GATAD2B: variants seen among roughly 807,000 people sequenced by gnomAD.
GATAD2B encodes GATA zinc finger domain containing 2B, also known as transcriptional repressor p66-beta.
A neutral mutation model predicts 64.3 loss-of-function variants in GATAD2B; 8 were observed. The ratio of observed to expected loss-of-function variants is 0.12; its 90% confidence interval spans 0.07 to 0.22. The LOEUF (loss-of-function observed/expected upper bound fraction) is 0.22. Among genes scored for constraint, GATAD2B ranks in the 10% least tolerant of loss-of-function variants. The pLI, the probability that GATAD2B is intolerant of heterozygous loss-of-function variation, is 1.00. For synonymous variants in GATAD2B, 281 were observed against 271.3 expected, an observed-to-expected ratio of 1.04 and a Z score of -0.35; for missense variants, 453 against 752.0, an observed-to-expected ratio of 0.60 and a Z score of 4.65.
chr1:153,812,748 G>C (rs1472731290), intron 8 of GATAD2B, among the ~76,000 whole-genome samples: 1 of 152,142 alleles, frequency 6.6e-6, no homozygotes, highest in Non-Finnish European at 1.5e-5. Context: ...GTGGGAAATA[G>C]GAAGAAAAGG....
At chr1:153,919,439 G>A (rs890006530) in intron 1 of GATAD2B, among the ~76,000 whole-genome samples, 1 of 152,174 alleles carries the variant, frequency 6.6e-6, no homozygotes, top group Admixed American at 6.5e-5. Context: ...TGGAACATGA[G>A]GAGGGGTCTG....
At chr1:153,856,809 G>T (rs1232652784) in intron 1 of GATAD2B, among the ~76,000 whole-genome samples, 2 of 152,200 alleles carry the variant, frequency 1.3e-5, no homozygotes, top group East Asian at 3.9e-4. Flanking sequence ...TGACCACTCA[G>T]AACTGGAAAG....
At chr1:153,900,987 G>A (rs1677750600) in intron 1 of GATAD2B, among the ~76,000 whole-genome samples, 1 of 152,094 alleles carries the variant, frequency 6.6e-6, no homozygotes, top group African/African-American at 2.4e-5. Flanking sequence ...GCCAAGGTGG[G>A]TGGATCACTT....
At chr1:153,858,548 T>C (rs908673555) in intron 1 of GATAD2B, among the ~76,000 whole-genome samples, 1 of 152,028 alleles carries the variant, frequency 6.6e-6, no homozygotes, top group Non-Finnish European at 1.5e-5. Flanking sequence ...AAGGCTGCAG[T>C]GAGCCGAGAT....
At chr1:153,879,762 CAAA>C (rs71093298) in intron 1 of GATAD2B, among the ~76,000 whole-genome samples, 9 of 80,944 alleles carry the variant, frequency 1.1e-4, no homozygotes, top group African/African-American at 2.5e-4. Flanking sequence ...ACACTGTCTA[CAAA>C]AAAAAAAAAA....
At chr1:153,825,677 C>T (rs1363152406) in intron 2 of GATAD2B, among the ~76,000 whole-genome samples, 2 of 152,108 alleles carry the variant, frequency 1.3e-5, no homozygotes, top group Non-Finnish European at 2.9e-5. Context: ...CCACCCGCCT[C>T]GGCCTCAAAG....
At chr1:153,912,375 T>C (rs1028757380) in intron 1 of GATAD2B, among the ~76,000 whole-genome samples, 4 of 150,352 alleles carry the variant, frequency 2.7e-5, no homozygotes, top group Non-Finnish European at 3.0e-5. Context: ...AAATTCTCTA[T>C]ACACTCAGGT....
chr1:153,920,241 G>A (rs1678389707), intron 1 of GATAD2B, among the ~76,000 whole-genome samples: 1 of 152,216 alleles, frequency 6.6e-6, no homozygotes, highest in Admixed American at 6.5e-5. Context: ...GATGAATTCA[G>A]AGGTCTCAAC....
intron 1 of GATAD2B, among the ~76,000 whole-genome samples, chr1:153,828,737 G>A (rs1217976717): frequency 1.3e-5 from 2 of 151,800 alleles, no homozygotes; most frequent in African/African-American, 4.8e-5. Flanking sequence ...CATGTCACCA[G>A]GGTTAGCAGA....
Position 153,842,644 on chromosome 1 carries a change from T to TTATGTATG in GATAD2B, c.-1-14304_-1-14297dup, listed in dbSNP as rs71093293. 1.6e-3 allele frequency among the ~76,000 whole-genome samples: 247 copies of TTATGTATG among 150,376 alleles called. 6 individuals carry two copies. The East Asian group carries it at 0.027, about 16-fold the overall frequency. The stretch of plus-strand genomic sequence containing the variant: ...GTTTTTGCTTTTGTTTTTTAAAATT[T>TTATGTATG]TATGTATGTATGTATGTATGTATGT... On this transcript the variant is annotated intron_variant, in intron 1 of 10. Transcript: ENST00000368655.
chr1:153,908,041 G>A (rs750475882), intron 1 of GATAD2B, among the ~76,000 whole-genome samples: 4 of 152,182 alleles, frequency 2.6e-5, no homozygotes, highest in Non-Finnish European at 5.9e-5. Flanking sequence ...CTGACCTCAT[G>A]ATCTGCCTGC....
chr1:153,824,825 T>C (rs565768923), intron 2 of GATAD2B, among the ~76,000 whole-genome samples: 1 of 151,688 alleles, frequency 6.6e-6, no homozygotes, highest in African/African-American at 2.4e-5. Context: ...GGCTCATGCC[T>C]GTATTCCCAG....
chr1:153,889,521 G>C (rs1281159542), intron 1 of GATAD2B, among the ~76,000 whole-genome samples: 4 of 150,994 alleles, frequency 2.6e-5, no homozygotes, highest in Admixed American at 6.6e-5. Context: ...AAACTTGGTA[G>C]ACTTGTGAGC....
rs192382531 is a variant in GATAD2B at position 153,911,748 on chromosome 1, A to T, written c.-2+10985T>A. Among the ~76,000 whole-genome samples the T allele has an allele frequency of 1.5e-3, 229 of 147,896 alleles. 3 individuals carry two copies. Among genetic ancestry groups the T allele is most frequent in the African/African-American group, 5.4e-3 (221 of 41,308 alleles). On this transcript the variant is annotated intron_variant, in intron 1 of 10. Transcript: ENST00000368655. The stretch of plus-strand genomic sequence containing the variant: ...TGAAACTCCATCTCAAAAAAAAACA[A>T]AAAACAAAAAAAACAAAGCCAACTT...
At chr1:153,832,787 A>G (rs1446686864) in intron 1 of GATAD2B, among the ~76,000 whole-genome samples, 3 of 152,110 alleles carry the variant, frequency 2.0e-5, no homozygotes, top group Non-Finnish European at 4.4e-5. Flanking sequence ...TAGTTTTTCA[A>G]CCCTTATCTC....
At chr1:153,869,836 T>C (rs927374780) in intron 1 of GATAD2B, among the ~76,000 whole-genome samples, 2 of 152,112 alleles carry the variant, frequency 1.3e-5, no homozygotes, top group Admixed American at 6.6e-5. Context: ...CATCAGAAAA[T>C]CCAAATTGGG....
rs1674085020 is a variant in GATAD2B, at chr1:153,805,496, T to C, written c.*4681A>G. The stretch of plus-strand genomic sequence containing the variant: ...GGCATAAAGGCAAAGATGTCACTGG[T>C]CTGATGCCCTGGACATGACTCTGCT... On this transcript the variant is annotated 3_prime_UTR_variant, in exon 11 of 11. Transcript: ENST00000368655. 6.6e-6 allele frequency: 1 copy of C among 152,140 alleles called. No individual in the cohort carries two copies. Among genetic ancestry groups the C allele is most frequent in the African/African-American group, 2.4e-5 (1 of 41,412 alleles). 9.4% of individuals were successfully genotyped at this position (152,140 alleles called of 1,614,324 possible).
At chr1:153,822,528 T>C (rs1263343677) in intron 2 of GATAD2B, among the ~76,000 whole-genome samples, 1 of 152,194 alleles carries the variant, frequency 6.6e-6, no homozygotes, top group Non-Finnish European at 1.5e-5. Flanking sequence ...CTGTTTTTCT[T>C]TTGAGTCGGA....
At chr1:153,865,975 C>A (rs1676462574) in intron 1 of GATAD2B, among the ~76,000 whole-genome samples, 1 of 151,966 alleles carries the variant, frequency 6.6e-6, no homozygotes, top group African/African-American at 2.4e-5. Flanking sequence ...GAGGCTGAGG[C>A]GGACGGATCA....
Sources: gnomAD v4.1 joint callset for allele counts (sites outside exome capture counted in the v4.1 genomes callset) on GRCh38, gnomAD v4.1.1 for gene constraint, MANE v1.5 for transcripts, NCBI Gene and HGNC (gene_info 2026-07-23, HGNC 2026-07-21) for gene names.